The following STK32B variants were observed in gnomAD, a reference collection of about 807,000 sequenced individuals.
STK32B encodes serine/threonine-protein kinase 32B.
A neutral mutation model predicts 52.6 loss-of-function variants in STK32B; 43 were observed. The ratio of observed to expected loss-of-function variants is 0.82; its 90% CI spans 0.64 to 1.05. The LOEUF (loss-of-function observed/expected upper bound fraction) is 1.05, where lower values mean the gene tolerates loss of function less well. Among genes scored for constraint, STK32B ranks in the 50% least tolerant of loss-of-function variants. The probability of loss-of-function intolerance (pLI) is 0.00; values close to 1 mark genes in which losing one functional copy is unlikely to be tolerated. For synonymous variants in STK32B, 238 were observed against 204.3 expected, an observed-to-expected ratio of 1.17 and a Z score of -1.41; for missense variants, 621 against 534.6, an observed-to-expected ratio of 1.16 and a Z score of -1.59.
chr4:5,243,427 C>T (rs1243306196), intron 3 of STK32B, among the ~76,000 whole-genome samples: 1 of 152,162 alleles, frequency 6.6e-6, no homozygotes, highest in East Asian at 1.9e-4. Context: ...CACGTTGATT[C>T]TGTATCCTCA....
chr4:5,294,964 C>T (rs527317273), intron 3 of STK32B, among the ~76,000 whole-genome samples: 6 of 152,026 alleles, frequency 3.9e-5, no homozygotes, highest in Admixed American at 1.3e-4. Context: ...CCTAGTTTAT[C>T]GAGTGTTTTT....
At chr4:5,252,602 A>G (rs565395687) in intron 3 of STK32B, among the ~76,000 whole-genome samples, 1 of 152,142 alleles carries the variant, frequency 6.6e-6, no homozygotes, top group Non-Finnish European at 1.5e-5. Context: ...ACTCTATTAC[A>G]CTTAGCCATC....
chr4:5,169,291 T>C (rs1719144702), intron 3 of STK32B, among the ~76,000 whole-genome samples: 1 of 152,122 alleles, frequency 6.6e-6, no homozygotes, highest in South Asian at 2.1e-4. Context: ...ATCTGACACA[T>C]TGGAGGGACT....
intron 3 of STK32B, among the ~76,000 whole-genome samples, chr4:5,229,235 T>G (rs527800999): frequency 6.9e-6 from 1 of 145,692 alleles, no homozygotes; most frequent in South Asian, 2.2e-4. Flanking sequence ...TTTTTTTTCC[T>G]TTTAAACTCT....
chr4:5,152,811 C>G (rs1160951223), intron 2 of STK32B, among the ~76,000 whole-genome samples: 1 of 152,242 alleles, frequency 6.6e-6, no homozygotes, highest in Non-Finnish European at 1.5e-5. Flanking sequence ...CTGCCACCTT[C>G]TTATTTTCCT....
intron 3 of STK32B, among the ~76,000 whole-genome samples, chr4:5,316,168 T>TATATAAATAAATATATATAACTAA (rs1560309957): frequency 9.9e-6 from 1 of 100,980 alleles, no homozygotes; most frequent in African/African-American, 5.4e-5. Flanking sequence ...TATAACTAAA[T>TATATAAATAAATATATATAACTAA]ATATATATAA....
intron 2 of STK32B, among the ~76,000 whole-genome samples, chr4:5,165,497 C>T (rs1308545218): frequency 6.6e-6 from 1 of 152,210 alleles, no homozygotes; most frequent in African/African-American, 2.4e-5. Flanking sequence ...GACTGTCTCC[C>T]AGCCTAAGCT....
chr4:5,317,329 T>A (rs867922605), intron 3 of STK32B, among the ~76,000 whole-genome samples: 1,834 of 68,708 alleles, frequency 0.027, 163 homozygotes, highest in African/African-American at 0.039. Context: ...TAATATATAT[T>A]ACATATATAA....
At chr4:5,106,300 C>CAA (rs1282792695) in intron 1 of STK32B, among the ~76,000 whole-genome samples, 3 of 151,866 alleles carry the variant, frequency 2.0e-5, no homozygotes, top group African/African-American at 7.2e-5. Context: ...GACTCCATCT[C>CAA]AAAAAAAACT....
chr4:5,478,564 A>C (rs1229646948), intron 11 of STK32B, among the ~76,000 whole-genome samples: 1 of 152,228 alleles, frequency 6.6e-6, no homozygotes, highest in East Asian at 1.9e-4. Flanking sequence ...TGGAACTGCC[A>C]GTTATATTGA....
chr4:5,483,545 G>T (rs1288750062), intron 11 of STK32B, among the ~76,000 whole-genome samples: 2 of 152,056 alleles, frequency 1.3e-5, no homozygotes, highest in Admixed American at 6.6e-5. Context: ...CCAGCTCCTG[G>T]ATTCATTGAT....
At chr4:5,044,951 CCAG>C in the STK32B span, among the ~76,000 whole-genome samples, 4 of 152,150 alleles carry the variant, frequency 2.6e-5, no homozygotes, top group Admixed American at 2.6e-4. Context: ...CAAAATATGT[CCAG>C]GACTAGCCAC....
chr4:5,483,088 G>T (rs1718854673), intron 11 of STK32B, among the ~76,000 whole-genome samples: 1 of 152,088 alleles, frequency 6.6e-6, no homozygotes, highest in South Asian at 2.1e-4. Context: ...GTATCAGGAT[G>T]ATGCTGGACT....
chr4:5,498,277 T>C (rs186105979), intron 11 of STK32B, among the ~76,000 whole-genome samples: 321 of 152,332 alleles, frequency 2.1e-3, no homozygotes, highest in African/African-American at 7.0e-3. Context: ...CAGAGGGATA[T>C]TGACATCTTC....
At chr4:5,184,239 G>A (rs1260182581) in intron 3 of STK32B, among the ~76,000 whole-genome samples, 2 of 152,158 alleles carry the variant, frequency 1.3e-5, no homozygotes, top group Admixed American at 1.3e-4. Flanking sequence ...GGCCATTGTA[G>A]TGTTATTGCT....
chr4:5,316,848 T>G (rs1210003429), intron 3 of STK32B, among the ~76,000 whole-genome samples: 1 of 1,306 alleles, frequency 7.7e-4, no homozygotes, highest in Admixed American at 0.017. Flanking sequence ...TTATATATAA[T>G]ATATTATATA....
At chr4:5,181,930 T>G (rs925962124) in intron 3 of STK32B, among the ~76,000 whole-genome samples, 4 of 152,368 alleles carry the variant, frequency 2.6e-5, no homozygotes, top group African/African-American at 9.6e-5. Context: ...AGATGCTGTT[T>G]GATGGCATTT....
chr4:5,391,184 C>G (rs914979839), intron 4 of STK32B, among the ~76,000 whole-genome samples: 14 of 151,886 alleles, frequency 9.2e-5, no homozygotes, highest in Middle Eastern at 3.2e-3. Context: ...TGGTCTCGAT[C>G]TCCTTAACCT....
At chr4:5,496,229 A>G (rs1577067198) in intron 11 of STK32B, among the ~76,000 whole-genome samples, 1 of 152,254 alleles carries the variant, frequency 6.6e-6, no homozygotes, top group Non-Finnish European at 1.5e-5. Flanking sequence ...GGTGGGCTCC[A>G]TCCAGTTCCA....
Sources: allele counts gnomAD v4.1 joint callset (sites outside exome capture counted in the v4.1 genomes callset), GRCh38; gene constraint gnomAD v4.1.1; transcripts MANE v1.5; gene names NCBI Gene and HGNC (gene_info 2026-07-23, HGNC 2026-07-21).